ZNRF3: variants seen among roughly 807,000 people sequenced by gnomAD.
ZNRF3 encodes zinc and ring finger 3.
Under a neutral mutation model 72.5 loss-of-function variants are expected in ZNRF3, and 23 were observed. The ratio of observed to expected loss-of-function variants is 0.32; its 90% confidence interval spans 0.23 to 0.45. The LOEUF is 0.45. Ranked by LOEUF, ZNRF3 falls within the 20% of genes least tolerant of loss-of-function variation. ZNRF3 has a pLI of 1.00. For missense variants in ZNRF3, 1,169 were observed against 1,272.1 expected (o/e 0.92, Z 1.23); for synonymous variants, 610 against 545.3 (o/e 1.12, Z -1.65).
chr22:29,050,765 G>C lies in ZNRF3; in HGVS notation c.2584G>C (p.Asp862His). The C allele has an allele frequency of 6.2e-7, 1 of 1,607,224 alleles. No homozygotes were observed. The highest frequency in any genetic ancestry group is 8.5e-7 in the Non-Finnish European group (1 of 1,177,206). Residue 862 changes from aspartate to histidine, a missense_variant, in exon 8 of 9, where the codon GAT becomes CAT. This residue lies in a region of ZNRF3 where 783 missense variants were observed against 731.4 expected (regional missense o/e 1.07). Transcript: ENST00000544604. ...CTCCTGGGGTGGGACGCGAGGCCCG[G>C]ATACCCCACGGCCCCACAGGGGCCT... ...LGSWGGTRGP[D>H]TPRPHRGLGA...
At chr22:28,901,438 C>T (rs1170022047) in intron 1 of ZNRF3, among the ~76,000 whole-genome samples, 1 of 152,018 alleles carries the variant, frequency 6.6e-6, no homozygotes, top group Non-Finnish European at 1.5e-5. Context: ...TTCTGTAGTC[C>T]TAGGAAACCA....
chr22:28,894,431 C>T (rs918900879), intron 1 of ZNRF3, among the ~76,000 whole-genome samples: 7 of 151,668 alleles, frequency 4.6e-5, no homozygotes, highest in African/African-American at 1.7e-4. Context: ...GGGTGCCTCC[C>T]TTGTAGGTGT....
intron 2 of ZNRF3, chr22:29,026,362 AGATAAGTG>A (rs1236057268): frequency 6.6e-6 from 1 of 152,134 alleles, no homozygotes; most frequent in Non-Finnish European, 1.5e-5. Context: ...CACTTATCAC[AGATAAGTG>A]GATATTAGTT....
At chr22:29,009,853 A>G (rs974022555) in intron 2 of ZNRF3, among the ~76,000 whole-genome samples, 1 of 150,922 alleles carries the variant, frequency 6.6e-6, no homozygotes, top group Non-Finnish European at 1.5e-5. Context: ...AATTAAGCAC[A>G]TTCACTCTGC....
At chr22:28,945,670 C>T (rs1241612592) in intron 1 of ZNRF3, among the ~76,000 whole-genome samples, 1 of 151,988 alleles carries the variant, frequency 6.6e-6, no homozygotes, top group African/African-American at 2.4e-5. Context: ...GCTGAGACTA[C>T]AGGGGGGCAC....
intron 1 of ZNRF3, among the ~76,000 whole-genome samples, chr22:28,985,336 TC>T (rs2035837300): frequency 6.6e-6 from 1 of 152,082 alleles, no homozygotes. Flanking sequence ...CATCCTTTTC[TC>T]CCCTCTATAT....
At chr22:28,909,436 T>A (rs1361015631) in intron 1 of ZNRF3, among the ~76,000 whole-genome samples, 1 of 152,078 alleles carries the variant, frequency 6.6e-6, no homozygotes, top group Non-Finnish European at 1.5e-5. Context: ...ATTTTCATGG[T>A]ATTTTTTTTT....
intron 1 of ZNRF3, among the ~76,000 whole-genome samples, chr22:28,930,323 G>T (rs2034681971): frequency 6.6e-6 from 1 of 152,228 alleles, no homozygotes; most frequent in Non-Finnish European, 1.5e-5. Context: ...ATATAGCTCA[G>T]CTGGTGGGAG....
intron 1 of ZNRF3, among the ~76,000 whole-genome samples, chr22:28,984,796 A>G (rs958537272): frequency 6.6e-6 from 1 of 152,210 alleles, no homozygotes; most frequent in Non-Finnish European, 1.5e-5. Context: ...TAATAACTGT[A>G]GAACATTCTA....
chr22:28,945,487 T>C (rs1001236911), intron 1 of ZNRF3, among the ~76,000 whole-genome samples: 7 of 150,936 alleles, frequency 4.6e-5, no homozygotes, highest in Admixed American at 4.6e-4. Flanking sequence ...AGCCCAGGAG[T>C]TCAAGACCAG....
chr22:29,015,380 T>C (rs2036413453), intron 2 of ZNRF3, among the ~76,000 whole-genome samples: 1 of 152,192 alleles, frequency 6.6e-6, no homozygotes, highest in South Asian at 2.1e-4. Flanking sequence ...TTAATATTCT[T>C]CCTTCCAGGC....
chr22:29,010,547 A>G (rs1294337469), intron 2 of ZNRF3, among the ~76,000 whole-genome samples: 2 of 152,188 alleles, frequency 1.3e-5, no homozygotes, highest in African/African-American at 4.8e-5. Flanking sequence ...ACTGTAAATA[A>G]TGCTACCATA....
intron 1 of ZNRF3, among the ~76,000 whole-genome samples, chr22:28,909,764 T>TC (rs1345079047): frequency 3.3e-5 from 5 of 150,456 alleles, no homozygotes; most frequent in Non-Finnish European, 4.4e-5. Context: ...TTTTTTTTTT[T>TC]TTTTTGGTGG....
In ZNRF3 at chr22:29,048,500, C is replaced by T. The variant is rs768113730; in HGVS notation, c.1015+9C>T. 3.3e-5 allele frequency: 54 copies of T among 1,613,700 alleles called. No homozygotes were observed. The highest frequency in any genetic ancestry group is 3.2e-5 in the Non-Finnish European group (38 of 1,179,578). On this transcript the variant is annotated intron_variant, in intron 7 of 8. Transcript: ENST00000544604. The surrounding 1 kb of genome is among the most constrained non-coding windows in gnomAD (Gnocchi z 4.9). ...TCGGCACAACATCATAGGTAACTGT[C>T]ACCCGCCTTAGCCATTGCTGAAGAG...
rs1470911767 is a variant in ZNRF3, at chr22:29,055,213, A to G, written c.*1591A>G. 3 of 152,376 alleles carry G rather than the reference A, an allele frequency of 2.0e-5. No homozygotes were observed. Among genetic ancestry groups the G allele is most frequent in the African/African-American group, 7.2e-5 (3 of 41,440 alleles). The allele number at this position is 152,376 out of a possible 1,614,324, so 9.4% of individuals were successfully genotyped here. ...TGTTCTTTAAAAAAATTTTTTTTAG[A>G]GGAAACTAATATTAGTCTTTGTGTT... On this transcript the variant is annotated 3_prime_UTR_variant, in exon 9 of 9. Coordinates refer to ENST00000544604, the MANE Select transcript of ZNRF3 (RefSeq NM_001206998.2).
At chr22:28,990,829 C>CT (rs371802771) in intron 2 of ZNRF3, among the ~76,000 whole-genome samples, 1 of 152,234 alleles carries the variant, frequency 6.6e-6, no homozygotes, top group African/African-American at 2.4e-5. Context: ...TGAAGGTTGA[C>CT]TTTAATAGCT....
chr22:28,950,633 G>A (rs2035143251), intron 1 of ZNRF3, among the ~76,000 whole-genome samples: 2 of 152,182 alleles, frequency 1.3e-5, no homozygotes, highest in Admixed American at 1.3e-4. Flanking sequence ...TAAAAAGACA[G>A]TGGCTCTTTA....
intron 1 of ZNRF3, among the ~76,000 whole-genome samples, chr22:28,925,607 G>T (rs2034586242): frequency 6.6e-6 from 1 of 152,076 alleles, no homozygotes; most frequent in African/African-American, 2.4e-5. Context: ...TGAGAGTTTT[G>T]CAGTCGACAC....
chr22:28,946,280 A>G (rs761506203), intron 1 of ZNRF3, among the ~76,000 whole-genome samples: 2 of 152,178 alleles, frequency 1.3e-5, no homozygotes, highest in Non-Finnish European at 2.9e-5. Context: ...CAAGACAATG[A>G]CTTTTCTCTG....
Sources: gnomAD v4.1 joint callset for allele counts (sites outside exome capture counted in the v4.1 genomes callset) on GRCh38, gnomAD v4.1.1 for gene constraint, gnomAD v4.1.1 regional missense constraint, Gnocchi (gnomAD v3.1) non-coding constraint, MANE v1.5 for transcripts, NCBI Gene and HGNC (gene_info 2026-07-23, HGNC 2026-07-21) for gene names.